GYPB: variants seen among roughly 807,000 people sequenced by gnomAD.
GYPB encodes glycophorin-B.
Under a neutral mutation model 15.3 loss-of-function variants are expected in GYPB, and 13 were observed. The observed-to-expected ratio is 0.85, with a 90% CI of 0.55 to 1.35. GYPB has a LOEUF of 1.35. Ranked by LOEUF, GYPB falls within the 40% of genes most tolerant of loss-of-function variation. The probability of loss-of-function intolerance (pLI) is 0.00; values close to 1 mark genes in which losing one functional copy is unlikely to be tolerated. For synonymous variants in GYPB, 38 were observed against 36.9 expected (o/e 1.03, Z -0.11); for missense variants, 131 against 108.3 (o/e 1.21, Z -0.93).
Position 144,002,498 on chromosome 4 carries a change from A to G in GYPB, c.38-1215T>C, listed in dbSNP as rs1293721414. 3.9e-5 allele frequency: 31 copies of G among 803,638 alleles called. No homozygotes were observed. The East Asian group carries it at 1.6e-3, about 42-fold the overall frequency. The allele number at this position is 803,638 out of a possible 1,614,324, so 49.8% of individuals were successfully genotyped here. A position where few individuals can be genotyped will look rare whatever the true frequency, so the allele number is the denominator to read the frequency against. ...TTTCAGTCTCCTATTCTGTGCATTC[A>G]TGTGTTTTTCACTCTTCTGAGAGTT... On this transcript the variant is annotated intron_variant, in intron 1 of 4. Coordinates refer to ENST00000502664, the MANE Select transcript of GYPB (RefSeq NM_002100.6).
At chr4:144,001,117 C>A (rs1011468716) in intron 2 of GYPB, 68 bp downstream of exon 2, 5 of 1,611,302 alleles carry the variant, frequency 3.1e-6, no homozygotes, top group South Asian at 1.1e-5. Context: ...TGACAGGTCC[C>A]CTAAAATAGG....
intron 3 of GYPB, among the ~76,000 whole-genome samples, chr4:143,998,334 T>C (rs1356572276): frequency 2.0e-5 from 3 of 151,536 alleles, no homozygotes; most frequent in Non-Finnish European, 4.4e-5. Context: ...TTTGTAGTAC[T>C]TCCAGATGAA....
At chr4:143,998,210 T>A (rs1158381144) in intron 3 of GYPB, among the ~76,000 whole-genome samples, 1 of 151,394 alleles carries the variant, frequency 6.6e-6, no homozygotes, top group African/African-American at 2.5e-5. Context: ...TCCACAGTAT[T>A]CTTATGCATA....
chr4:144,001,948 G>A (rs1727647655), intron 1 of GYPB, among the ~76,000 whole-genome samples: 1 of 106,916 alleles, frequency 9.4e-6, no homozygotes. Context: ...CAGCCTGGGC[G>A]ACAGAACGAG....
chr4:143,995,776 G>A (rs1165140742), downstream of GYPB, among the ~76,000 whole-genome samples: 3 of 151,364 alleles, frequency 2.0e-5, no homozygotes. Context: ...TTTTGACAAA[G>A]ATTTGAATAG....
chr4:143,997,613 A>G lies in GYPB; in HGVS notation c.197T>C (p.Ile66Thr). Residue 66 changes from isoleucine (I) to threonine (T), a missense_variant, in exon 4 of 5, where the codon ATT becomes ACT. Ile to Thr is a moderately conservative substitution (Grantham distance 89). Transcript: ENST00000502664. ...AATACCAGCCATCACACACAAAATA[A>G]TGAGTATTATCACTACAGGAGCTAA... ...TVPAPVVIIL[I>T]ILCVMAGIIG... 4.4e-6 allele frequency: 7 copies of G among 1,585,056 alleles called. No individual in the cohort carries two copies. Among genetic ancestry groups the G allele is most frequent in the Non-Finnish European group, 6.1e-6 (7 of 1,155,944 alleles).
At chr4:143,997,371 A>AAG in intron 4 of GYPB, 169 bp downstream of exon 4, 1 of 519,396 alleles carries the variant, frequency 1.9e-6, no homozygotes, top group Non-Finnish European at 3.5e-6. Context: ...GCAAATGCAA[A>AAG]AAAAAAATTC....
chr4:143,999,469 T>C lies in GYPB; in HGVS notation c.137-20A>G. The C allele has an allele frequency of 2.9e-6, 4 of 1,381,088 alleles. No homozygotes were observed. Among genetic ancestry groups the C allele is most frequent in the Non-Finnish European group, 4.1e-6 (4 of 973,396 alleles). 85.6% of individuals were successfully genotyped at this position (1,381,088 alleles called of 1,614,324 possible). A position where few individuals can be genotyped will look rare whatever the true frequency, so the allele number is the denominator to read the frequency against. On this transcript the variant is annotated intron_variant, in intron 2 of 4. Transcript: ENST00000502664. ...TTTCTCCTATAAAGCAAAATTTCAATGTAAGTCCAAATAAGAAAGACATGT... is the reference window on the plus strand; with the variant it reads ...TTTCTCCTATAAAGCAAAATTTCAACGTAAGTCCAAATAAGAAAGACATGT...
intron 1 of GYPB, among the ~76,000 whole-genome samples, chr4:144,001,589 C>T (rs915873404): frequency 8.6e-5 from 13 of 151,030 alleles, no homozygotes; most frequent in East Asian, 3.9e-4. Flanking sequence ...ATTGTGAGAA[C>T]GAATTAGTTT....
intron 1 of GYPB, among the ~76,000 whole-genome samples, chr4:144,008,806 C>T (rs1579061911): frequency 6.6e-6 from 1 of 151,562 alleles, no homozygotes; most frequent in East Asian, 1.9e-4. Context: ...AGTTTGTTCT[C>T]ATCCTTGACT....
chr4:143,998,758 A>G (rs2149955812), intron 3 of GYPB, among the ~76,000 whole-genome samples: 1 of 142,426 alleles, frequency 7.0e-6, no homozygotes, highest in Non-Finnish European at 1.5e-5. Flanking sequence ...ACATGAGGGC[A>G]GAGGGAACTT....
In GYPB at chr4:143,996,641, G is replaced by A. The variant is rs972220889; in HGVS notation, c.271-337C>T. ...AAAAATTAGTCAGGCATGGTAGCCC[G>A]CACCTGTAGTCCCAATTACTGTGGA... On this transcript the variant is annotated intron_variant, in intron 4 of 4. Transcript: ENST00000502664. Among the ~76,000 whole-genome samples, 4 of 150,176 alleles carry A rather than the reference G, an allele frequency of 2.7e-5. 1 individual carries two copies. The highest frequency in any genetic ancestry group is 1.3e-4 in the Admixed American group (2 of 15,148).
intron 1 of GYPB, chr4:144,002,687 A>G (rs1727690349): frequency 3.1e-6 from 4 of 1,286,644 alleles, no homozygotes; most frequent in African/African-American, 3.1e-5. Flanking sequence ...CTGAATGCTC[A>G]AAGTTTCCTG....
chr4:144,014,518 G>T (rs1035160610), intron 1 of GYPB, among the ~76,000 whole-genome samples: 2 of 151,380 alleles, frequency 1.3e-5, no homozygotes, highest in Non-Finnish European at 2.9e-5. Context: ...TTAGGTGAAA[G>T]AAGCCATACA....
intron 1 of GYPB, among the ~76,000 whole-genome samples, chr4:144,004,321 T>G (rs528585697): frequency 6.6e-6 from 1 of 152,066 alleles, no homozygotes; most frequent in Admixed American, 6.5e-5. Flanking sequence ...TTCATTTTTC[T>G]TCCATTTCTG....
At chr4:144,002,579 A>T in intron 1 of GYPB, 1 of 1,285,594 alleles carries the variant, frequency 7.8e-7, no homozygotes, top group Non-Finnish European at 1.0e-6. Context: ...ACCTTTGCTC[A>T]TCTCTTGGAG....
chr4:144,017,996 C>T (rs1041948715), intron 1 of GYPB, among the ~76,000 whole-genome samples: 1 of 150,994 alleles, frequency 6.6e-6, no homozygotes. Flanking sequence ...AGGTTTGTTC[C>T]CTAGTCTATA....
chr4:144,018,239 T>A (rs1287459997), intron 1 of GYPB, among the ~76,000 whole-genome samples: 5 of 151,420 alleles, frequency 3.3e-5, no homozygotes, highest in East Asian at 1.9e-4. Flanking sequence ...ATGTGGGCCC[T>A]TAATTTGCCT....
In GYPB at chr4:143,997,618, T is replaced by C. The variant is rs1249682524; in HGVS notation, c.192A>G (p.Ile64Met). The C allele has an allele frequency of 1.9e-6, 3 of 1,574,270 alleles. No individual in the cohort carries two copies. Among genetic ancestry groups the C allele is most frequent in the Non-Finnish European group, 2.6e-6 (3 of 1,146,398 alleles). The change falls in exon 4 of 5, where the codon ATA becomes ATG. Residue 64 changes from isoleucine to methionine, a missense_variant. Coordinates refer to ENST00000502664, the MANE Select transcript of GYPB (RefSeq NM_002100.6). ...RFTVPAPVVIILIILCVMAGI... is the reference protein window; with the variant it reads ...RFTVPAPVVIMLIILCVMAGI... ...CAGCCATCACACACAAAATAATGAGTATTATCACTACAGGAGCTAAAGAGA... is the reference window on the plus strand; with the variant it reads ...CAGCCATCACACACAAAATAATGAGCATTATCACTACAGGAGCTAAAGAGA...
Sources: gnomAD v4.1 joint callset for allele counts (sites outside exome capture counted in the v4.1 genomes callset) on GRCh38, gnomAD v4.1.1 for gene constraint, MANE v1.5 for transcripts, NCBI Gene and HGNC (gene_info 2026-07-23, HGNC 2026-07-21) for gene names.